CRYBG2: variants seen among roughly 807,000 people sequenced by gnomAD.
The protein encoded by CRYBG2 is beta/gamma crystallin domain-containing protein 2.
In CRYBG2, 106 loss-of-function variants were observed where a neutral mutation model predicts 153.4. The ratio of observed to expected loss-of-function variants is 0.69; its 90% CI spans 0.59 to 0.81. CRYBG2 has a LOEUF of 0.81. CRYBG2 is among the 30% of genes least tolerant of loss of function. The pLI is 0.00. For missense variants in CRYBG2, 1,996 were observed against 2,112.0 expected (o/e 0.95, Z 1.08); for synonymous variants, 851 against 877.8 (o/e 0.97, Z 0.54).
intron 18 of CRYBG2, among the ~76,000 whole-genome samples, chr1:26,322,979 C>G (rs2073877348): frequency 6.6e-6 from 1 of 152,206 alleles, no homozygotes; most frequent in Admixed American, 6.5e-5. Flanking sequence ...ACTGGCTGTT[C>G]CCTCTGCCTG....
At chr1:26,335,550 C>T (rs2074044349) in intron 14 of CRYBG2, among the ~76,000 whole-genome samples, 1 of 152,292 alleles carries the variant, frequency 6.6e-6, no homozygotes, top group East Asian at 1.9e-4. Flanking sequence ...GTAATCCCAG[C>T]ACTTTGGAAG....
At chr1:26,337,747 G>T in intron 8 of CRYBG2, 73 bp from the exon 9 acceptor site, 1 of 1,566,250 alleles carries the variant, frequency 6.4e-7, no homozygotes, top group South Asian at 1.2e-5. Context: ...GCTCTGCCCA[G>T]CATCAGGCCA....
rs1226363829 is a variant in CRYBG2 at position 26,346,470 on chromosome 1, A to G, written c.188T>C (p.Val63Ala). The G allele has an allele frequency of 1.2e-5, 20 of 1,608,752 alleles. No homozygotes were observed. The highest frequency in any genetic ancestry group is 1.7e-5 in the Non-Finnish European group (20 of 1,179,742). Reference protein sequence around the residue: ...EMFEFSRREEVEVNGFATQEE... With the variant: ...EMFEFSRREEAEVNGFATQEE... ...CTGTGTTGCAAAGCCATTGACTTCC[A>G]CTTCCTCTCGACGGCTGAACTCAAA... The change falls in exon 2 of 20, where the codon GTG (valine) becomes GCG (alanine). Residue 63 changes from valine to alanine, a missense_variant. Physicochemically the swap from Val to Ala is moderately conservative, Grantham distance 64 (BLOSUM62 0). Coordinates refer to ENST00000308182, the MANE Select transcript of CRYBG2 (RefSeq NM_001039775.4). The surrounding 1 kb of genome is among the most constrained non-coding windows in gnomAD (Gnocchi z 4.9).
intron 1 of CRYBG2, among the ~76,000 whole-genome samples, chr1:26,349,274 T>C (rs2074261535): frequency 6.6e-6 from 1 of 152,172 alleles, no homozygotes. Context: ...CTCTGTGATT[T>C]TTTCCCTACT....
At chr1:26,337,091 T>C in intron 10 of CRYBG2, 111 bp from the exon 11 acceptor site, 1 of 1,560,304 alleles carries the variant, frequency 6.4e-7, no homozygotes, top group Non-Finnish European at 8.7e-7. Flanking sequence ...AGGCTGTCAG[T>C]ACGACCTGGA....
chr1:26,353,456 G>C (rs1260943608), intron 1 of CRYBG2, among the ~76,000 whole-genome samples: 1 of 152,126 alleles, frequency 6.6e-6, no homozygotes, highest in Non-Finnish European at 1.5e-5. Context: ...AATAAAACTA[G>C]GCTTGGGAAA....
intron 4 of CRYBG2, 65 bp downstream of exon 4, chr1:26,342,982 C>T (rs2074150489): frequency 1.9e-5 from 30 of 1,541,972 alleles, no homozygotes; most frequent in Non-Finnish European, 2.6e-5. Flanking sequence ...ACTGGTCACT[C>T]CTCACTCCCC....
At chr1:26,337,027 C>T (rs1407164821) in intron 10 of CRYBG2, 47 bp from the exon 11 acceptor site, 2 of 1,606,852 alleles carry the variant, frequency 1.2e-6, no homozygotes, top group Non-Finnish European at 1.7e-6. Flanking sequence ...CAAACCGAAA[C>T]CCCTGGGAGT....
At chr1:26,324,506 A>T (rs7548308) in intron 17 of CRYBG2, among the ~76,000 whole-genome samples, 196 bp from the exon 18 acceptor site, 328 of 9,394 alleles carry the variant, frequency 0.035, no homozygotes, top group Non-Finnish European at 0.12. Flanking sequence ...TCTCTCTCTC[A>T]CACACACACA....
At chr1:26,330,580 C>G (rs1289245053) in intron 15 of CRYBG2, among the ~76,000 whole-genome samples, 1 of 146,568 alleles carries the variant, frequency 6.8e-6, no homozygotes, top group African/African-American at 2.6e-5. Flanking sequence ...GTTCTGTCAC[C>G]CAGGCTGGAG....
chr1:26,353,412 C>A (rs1263138677), intron 1 of CRYBG2, among the ~76,000 whole-genome samples: 2 of 152,130 alleles, frequency 1.3e-5, no homozygotes, highest in African/African-American at 4.8e-5. Flanking sequence ...CCTCTGCGCC[C>A]CCCAGGCAGA....
At chr1:26,351,265 G>A (rs2074283993) in intron 1 of CRYBG2, among the ~76,000 whole-genome samples, 1 of 152,094 alleles carries the variant, frequency 6.6e-6, no homozygotes, top group African/African-American at 2.4e-5. Context: ...CTGGGACTCT[G>A]CCCAAATGAA....
chr1:26,330,869 C>A (rs890658301), intron 15 of CRYBG2, among the ~76,000 whole-genome samples: 1 of 152,182 alleles, frequency 6.6e-6, no homozygotes, highest in Non-Finnish European at 1.5e-5. Flanking sequence ...CCACCTGGCA[C>A]ATACTATGCA....
intron 5 of CRYBG2, 56 bp from the exon 6 acceptor site, chr1:26,339,485 C>T (rs577664017): frequency 2.8e-4 from 439 of 1,594,570 alleles, no homozygotes; most frequent in Non-Finnish European, 3.1e-4. Flanking sequence ...TGGTGGCTCA[C>T]GCCTGTAATC....
rs780961727 is a variant in CRYBG2 at position 26,342,855 on chromosome 1, G to A, written c.3103C>T (p.Arg1035Trp). ...TCAGGCAGGACCAGCTTCTGACCCC[G>A]GAACTCTGGCTCTTCGTACAGCACC... ...CWVLYEEPEFRGQKLVLPEGD... is the reference protein window; with the variant it reads ...CWVLYEEPEFWGQKLVLPEGD... The change falls in exon 5 of 20, where the codon CGG becomes TGG. Residue 1035 changes from arginine to tryptophan, a missense_variant. By Grantham distance (101) the Arg-to-Trp change is moderately radical. Coordinates refer to ENST00000308182, the MANE Select transcript of CRYBG2 (RefSeq NM_001039775.4). 2.7e-5 allele frequency: 43 copies of A among 1,614,088 alleles called. No homozygotes were observed. The highest frequency in any genetic ancestry group is 1.2e-4 in the South Asian group (11 of 91,084).
chr1:26,337,682 A>G lies in CRYBG2; in HGVS notation c.3508-8T>C, dbSNP rs772559574. On this transcript the variant is annotated splice_polypyrimidine_tract_variant and splice_region_variant and intron_variant, in intron 8 of 19. Transcript: ENST00000308182. ...GGCCTCATACACCACAGCCTGGGGGAAAGGGGCTGTCAGGAGTCATCTGGA... is the reference window on the plus strand; with the variant it reads ...GGCCTCATACACCACAGCCTGGGGGGAAGGGGCTGTCAGGAGTCATCTGGA... The G allele has an allele frequency of 1.9e-6, 3 of 1,609,426 alleles. No homozygotes were observed. In the South Asian group the frequency reaches 3.3e-5, roughly 18 times the overall value.
At position 26,343,159 on chromosome 1, in the gene CRYBG2, C is replaced by T. The variant is rs755766238; in HGVS notation, c.2962G>A (p.Val988Met). 6.4e-6 allele frequency: 10 copies of T among 1,550,646 alleles called. No homozygotes were observed. The highest frequency in any genetic ancestry group is 8.7e-6 in the Non-Finnish European group (10 of 1,147,000). The change falls in exon 4 of 20, where the codon GTG becomes ATG. Residue 988 changes from valine (V) to methionine (M), a missense_variant and splice_region_variant. Transcript: ENST00000308182. This position sits in a 1 kb window ranked among gnomAD's most constrained non-coding sequence, Gnocchi z 4.1. ...QGKLNTRPGK[V>M]IFFSESGCQG... is the part of the protein sequence containing the mutation. Reference sequence around the variant, plus strand: ...CAGCCAGACTCTGAGAAGAAGATCACCTGAGAAGGCACAGAAGGGGTCCTC... The same window carrying T: ...CAGCCAGACTCTGAGAAGAAGATCATCTGAGAAGGCACAGAAGGGGTCCTC...
In CRYBG2 at chr1:26,345,452, G is replaced by A. The variant is rs556515875; in HGVS notation, c.1206C>T (p.Ala402=). The A allele has an allele frequency of 5.6e-6, 9 of 1,599,932 alleles. No individual in the cohort carries two copies. The African/African-American group carries it at 9.4e-5, about 17-fold the overall frequency. Residue 402 remains alanine (A), a synonymous_variant, in exon 2 of 20, where the codon GCC becomes GCT. Coordinates refer to ENST00000308182, the MANE Select transcript of CRYBG2 (RefSeq NM_001039775.4). ...KKDGPVDPPA[A]TVLPMVRSEH... Reference sequence around the variant, plus strand: ...CGCTCCTCACCATGGGCAGGACGGTGGCAGCAGGGGGGTCCACGGGCCCGT... The same window carrying A: ...CGCTCCTCACCATGGGCAGGACGGTAGCAGCAGGGGGGTCCACGGGCCCGT...
In CRYBG2 at chr1:26,345,844, C is replaced by T. The variant is rs1293360329; in HGVS notation, c.814G>A (p.Ala272Thr). ...GTCTCAGGCAGCTGCCTCAAGGCTG[C>T]CCCCACTGTGCTGCCCAGACCTGTG... The part of the protein sequence containing the change: ...RSTGLGSTVG[A>T]ALRQLPETGT... The change falls in exon 2 of 20, where the codon GCA becomes ACA. Residue 272 changes from alanine (A) to threonine (T), a missense_variant. Coordinates refer to ENST00000308182, the MANE Select transcript of CRYBG2 (RefSeq NM_001039775.4). 4 of 1,596,752 alleles carry T rather than the reference C, an allele frequency of 2.5e-6. No homozygotes were observed. Among genetic ancestry groups the T allele is most frequent in the South Asian group, 1.1e-5 (1 of 90,768 alleles).
Sources: allele counts gnomAD v4.1 joint callset (sites outside exome capture counted in the v4.1 genomes callset), GRCh38; gene constraint gnomAD v4.1.1; non-coding constraint Gnocchi (gnomAD v3.1); transcripts MANE v1.5; gene names NCBI Gene and HGNC (gene_info 2026-07-23, HGNC 2026-07-21).